The following COX17 variants were observed in gnomAD, a reference collection of about 807,000 sequenced individuals.
COX17 encodes the protein cytochrome c oxidase copper chaperone.
Under a neutral mutation model 6.3 loss-of-function variants are expected in COX17, and 1 was observed. The observed-to-expected ratio is 0.16, with a 90% CI of 0.06 to 0.75. The LOEUF is 0.75. Among genes scored for constraint, COX17 ranks in the 30% least tolerant of loss-of-function variants. COX17 has a pLI of 0.77. For missense variants in COX17, 73 were observed against 81.2 expected, an observed-to-expected ratio of 0.90 and a Z score of 0.39; for synonymous variants, 26 against 30.5, an observed-to-expected ratio of 0.85 and a Z score of 0.49.
chr3:119,665,687 T>C (rs538560769), downstream of COX17, among the ~76,000 whole-genome samples: 2 of 152,196 alleles, frequency 1.3e-5, no homozygotes, highest in African/African-American at 2.4e-5. Flanking sequence ...ACTAAGTTCT[T>C]GAAAGCACCA....
At position 119,675,131 on chromosome 3, in the gene COX17, A is replaced by G. The variant is rs770792629; in HGVS notation, c.*4+14T>C. ...TCTGTAAAGCAATACACAACTTTGAAGCAAGAAGCTTACCATTTCATATTT... is the reference window on the plus strand; with the variant it reads ...TCTGTAAAGCAATACACAACTTTGAGGCAAGAAGCTTACCATTTCATATTT... On this transcript the variant is annotated intron_variant, in intron 2 of 2. Coordinates refer to ENST00000261070, the MANE Select transcript of COX17 (RefSeq NM_005694.2). 1.3e-6 allele frequency: 2 copies of G among 1,583,610 alleles called. No individual in the cohort carries two copies. The highest frequency in any genetic ancestry group is 1.7e-5 in the Admixed American group (1 of 59,978).
chr3:119,677,055 G>A (rs2053109891), intron 1 of COX17, 149 bp downstream of exon 1: 1 of 666,224 alleles, frequency 1.5e-6, no homozygotes, highest in Non-Finnish European at 2.7e-6. Context: ...AGGAGGAGTG[G>A]GGGAAGGGGG....
intron 2 of COX17, among the ~76,000 whole-genome samples, chr3:119,673,969 G>A (rs188573764): frequency 4.3e-4 from 64 of 149,144 alleles, no homozygotes; most frequent in African/African-American, 1.4e-3. Context: ...GTGCCTCTCC[G>A]CCTGGCCACC....
At chr3:119,672,687 T>C (rs998546423) in intron 2 of COX17, among the ~76,000 whole-genome samples, 1 of 152,270 alleles carries the variant, frequency 6.6e-6, no homozygotes, top group Non-Finnish European at 1.5e-5. Flanking sequence ...TAACCATCTA[T>C]TCTAAAAGCA....
chr3:119,673,631 T>C (rs550739611), intron 2 of COX17, among the ~76,000 whole-genome samples: 1 of 152,322 alleles, frequency 6.6e-6, no homozygotes, highest in African/African-American at 2.4e-5. Context: ...GGATGTAATT[T>C]ACATGGGGTG....
chr3:119,671,873 G>C (rs2053047659), intron 2 of COX17, among the ~76,000 whole-genome samples: 1 of 152,206 alleles, frequency 6.6e-6, no homozygotes, highest in South Asian at 2.1e-4. Context: ...CATGGAGGTT[G>C]GGGAAATAGG....
intron 1 of COX17, 138 bp from the exon 2 acceptor site, chr3:119,675,371 C>G (rs2053089410): frequency 3.2e-6 from 2 of 627,500 alleles, no homozygotes; most frequent in Non-Finnish European, 5.7e-6. Context: ...TTACCTCAAA[C>G]AGCTTTGTTT....
chr3:119,677,028 G>GC (rs1559736234), intron 1 of COX17, 176 bp downstream of exon 1: 1 of 558,168 alleles, frequency 1.8e-6, no homozygotes, highest in Non-Finnish European at 3.2e-6. Flanking sequence ...CGGGGCGGGG[G>GC]GGGGGGGCAG....
downstream of COX17, chr3:119,666,940 G>C (rs1345172310): frequency 1.3e-5 from 2 of 152,124 alleles, no homozygotes; most frequent in Non-Finnish European, 2.9e-5. Context: ...CCAGCTATTG[G>C]ATCAGGGTGA....
chr3:119,675,071 C>T, intron 2 of COX17, 74 bp downstream of exon 2: 1 of 1,058,708 alleles, frequency 9.4e-7, no homozygotes, highest in East Asian at 2.4e-5. Flanking sequence ...AGGTGAACTA[C>T]CTTTCAGAGA....
intron 2 of COX17, among the ~76,000 whole-genome samples, chr3:119,673,012 A>G (rs772637408): frequency 5.4e-4 from 82 of 152,334 alleles, no homozygotes; most frequent in Non-Finnish European, 9.3e-4. Flanking sequence ...AAGAGGCAGG[A>G]AAGAGGTGCA....
At chr3:119,675,505 G>C in intron 1 of COX17, 1 of 370,526 alleles carries the variant, frequency 2.7e-6, no homozygotes. Flanking sequence ...TATCCAAGGA[G>C]TAACACTGCT....
intron 2 of COX17, 99 bp downstream of exon 2, chr3:119,675,046 C>T: frequency 1.2e-6 from 1 of 807,078 alleles, no homozygotes; most frequent in East Asian, 2.5e-5. Flanking sequence ...GATACTTAAG[C>T]ATTTTAGATT....
At chr3:119,670,752 TTG>T (rs10542008) in intron 2 of COX17, among the ~76,000 whole-genome samples, 39,239 of 149,446 alleles carry the variant, frequency 0.26, 5,429 homozygotes, top group African/African-American at 0.34. Context: ...ATGATCAGTT[TTG>T]TGTGTGTGTG....
At chr3:119,670,122 T>C (rs553377651) in intron 2 of COX17, among the ~76,000 whole-genome samples, 2 of 152,128 alleles carry the variant, frequency 1.3e-5, no homozygotes, top group Non-Finnish European at 2.9e-5. Flanking sequence ...GCACTTCCTG[T>C]GGAAAGTTAC....
downstream of COX17, among the ~76,000 whole-genome samples, chr3:119,666,280 TTCTC>T (rs762119950): frequency 6.6e-6 from 1 of 152,180 alleles, no homozygotes; most frequent in Non-Finnish European, 1.5e-5. Flanking sequence ...AGGGAATGGT[TTCTC>T]TCTCTTCCGC....
At chr3:119,667,976 C>T (rs775340930), downstream of COX17, among the ~76,000 whole-genome samples, 11 of 151,808 alleles carry the variant, frequency 7.2e-5, no homozygotes, top group Middle Eastern at 3.4e-3. Flanking sequence ...TGTCCAAATG[C>T]GCAAAAAGAA....
downstream of COX17, chr3:119,669,250 T>TAAAAAAA (rs58241792): frequency 1.3e-4 from 19 of 141,962 alleles, no homozygotes; most frequent in African/African-American, 4.2e-4. Flanking sequence ...TTAAGAAAGT[T>TAAAAAAA]AAAAAAAAAA....
chr3:119,669,422 T>A (rs1020735397), downstream of COX17: 7 of 152,104 alleles, frequency 4.6e-5, no homozygotes, highest in African/African-American at 1.7e-4. Context: ...AATGACATAG[T>A]AATAAGAACA....
Sources: allele counts gnomAD v4.1 joint callset (sites outside exome capture counted in the v4.1 genomes callset), GRCh38; gene constraint gnomAD v4.1.1; transcripts MANE v1.5; gene names NCBI Gene and HGNC (gene_info 2026-07-23, HGNC 2026-07-21).